AXDND1: variants seen among roughly 807,000 people sequenced by gnomAD.
AXDND1 encodes the protein axonemal dynein light chain domain containing 1, also known as axonemal dynein light chain domain-containing protein 1.
A neutral mutation model predicts 137.5 loss-of-function variants in AXDND1; 110 were observed. That is an observed-to-expected ratio of 0.80 (90% confidence interval 0.69 to 0.94). The LOEUF (loss-of-function observed/expected upper bound fraction) is 0.94, where lower values mean the gene tolerates loss of function less well. Ranked by LOEUF, AXDND1 falls within the 40% of genes least tolerant of loss-of-function variation. The pLI, the probability that AXDND1 is intolerant of heterozygous loss-of-function variation, is 0.00. For missense variants in AXDND1, 1,191 were observed against 1,169.8 expected (o/e 1.02, Z -0.26); for synonymous variants, 414 against 399.7 (o/e 1.04, Z -0.43).
chr1:179,440,617 G>A (rs1329168210), intron 15 of AXDND1, among the ~76,000 whole-genome samples: 6 of 152,324 alleles, frequency 3.9e-5, no homozygotes, highest in East Asian at 3.9e-4. Context: ...GTGCAGCAGC[G>A]TGTGAGACAC....
intron 17 of AXDND1, among the ~76,000 whole-genome samples, chr1:179,480,164 G>A (rs576823377): frequency 2.6e-5 from 4 of 152,266 alleles, no homozygotes; most frequent in South Asian, 2.1e-4. Context: ...TCCAGGTACC[G>A]ATTTACTGTG....
intron 25 of AXDND1, among the ~76,000 whole-genome samples, chr1:179,542,476 T>C (rs1672261218): frequency 6.6e-6 from 1 of 152,244 alleles, no homozygotes; most frequent in Non-Finnish European, 1.5e-5. Context: ...AAATGTCATT[T>C]ATTACAAGTC....
intron 17 of AXDND1, among the ~76,000 whole-genome samples, chr1:179,480,362 CCTTATAAAATCATCAGATCTCATTAGA>C (rs1416188872): frequency 6.6e-6 from 1 of 152,126 alleles, no homozygotes; most frequent in East Asian, 1.9e-4. Context: ...AAGGGGTTCC[CCTTATAAAATCATCAGATCTCATTAGA>C]CTTATTCACT....
At chr1:179,419,802 ATAC>A (rs1481475796) in intron 12 of AXDND1, among the ~76,000 whole-genome samples, 1 of 152,234 alleles carries the variant, frequency 6.6e-6, no homozygotes, top group Non-Finnish European at 1.5e-5. Flanking sequence ...TTGATTTTGT[ATAC>A]TTGAAATATA....
chr1:179,393,927 C>T lies in AXDND1; in HGVS notation c.888C>T (p.Asp296=), dbSNP rs754094622. The T allele has an allele frequency of 3.7e-6, 6 of 1,610,428 alleles. No homozygotes were observed. The South Asian group carries it at 5.5e-5, about 15-fold the overall frequency. Residue 296 remains aspartate, a synonymous_variant, in exon 10 of 26, where the codon GAC becomes GAT. Transcript: ENST00000367618. ...GAGAGAGGTATGTGCAAATGCTTGA[C>T]CAGATTGCTCGGCAGATGATTGATT... is the stretch of plus-strand genomic sequence containing the variant. ...KVRERYVQML[D]QIARQMIDFY...
chr1:179,422,772 T>A (rs958552631), intron 12 of AXDND1, among the ~76,000 whole-genome samples: 15 of 152,168 alleles, frequency 9.9e-5, no homozygotes, highest in African/African-American at 3.6e-4. Flanking sequence ...CTCCCCCTTT[T>A]TTTTTCTTTG....
chr1:179,419,699 G>A (rs1474827955), intron 12 of AXDND1, among the ~76,000 whole-genome samples: 1 of 150,564 alleles, frequency 6.6e-6, no homozygotes, highest in Non-Finnish European at 1.5e-5. Context: ...GGGAGAGGGA[G>A]CATTTATTGC....
intron 9 of AXDND1, among the ~76,000 whole-genome samples, chr1:179,388,065 T>G (rs1649515144): frequency 1.3e-5 from 2 of 152,184 alleles, no homozygotes; most frequent in Non-Finnish European, 2.9e-5. Flanking sequence ...CTGGATTCCC[T>G]CTCAGTGTGC....
At chr1:179,373,831 A>T (rs1668297378) in intron 4 of AXDND1, among the ~76,000 whole-genome samples, 1 of 152,166 alleles carries the variant, frequency 6.6e-6, no homozygotes, top group African/African-American at 2.4e-5. Flanking sequence ...TTAATTCAAG[A>T]TGGATTAAAG....
chr1:179,411,325 G>A (rs1464617352), intron 12 of AXDND1, 59 bp downstream of exon 12: 20 of 1,542,908 alleles, frequency 1.3e-5, no homozygotes, highest in Non-Finnish European at 1.7e-5. Context: ...TCATTCTACA[G>A]TTTTAAAATT....
At chr1:179,397,325 G>A (rs940549580) in intron 11 of AXDND1, among the ~76,000 whole-genome samples, 28 of 152,200 alleles carry the variant, frequency 1.8e-4, no homozygotes, top group Admixed American at 1.3e-3. Flanking sequence ...AATCTCTTAC[G>A]GCTTGTAGGG....
chr1:179,405,263 A>G lies in AXDND1; in HGVS notation c.1110-5883A>G, dbSNP rs1652769783. ...CAAAGGACATGAACTCATCCTTTTTATGGCTGCATAGTATTCCATGGTGTA... is the reference window on the plus strand; with the variant it reads ...CAAAGGACATGAACTCATCCTTTTTGTGGCTGCATAGTATTCCATGGTGTA... On this transcript the variant is annotated intron_variant, in intron 11 of 25. Transcript: ENST00000367618. Among the ~76,000 whole-genome samples, 7 of 152,102 alleles carry G rather than the reference A, an allele frequency of 4.6e-5. 1 individual carries two copies. The South Asian group carries it at 1.5e-3, about 32-fold the overall frequency.
intron 17 of AXDND1, among the ~76,000 whole-genome samples, chr1:179,482,586 T>C (rs1258503869): frequency 6.6e-6 from 1 of 152,138 alleles, no homozygotes; most frequent in Non-Finnish European, 1.5e-5. Context: ...GGAGCAGTCA[T>C]GGTTCAAATA....
At chr1:179,455,294 G>GTAAAAAAAAAAAAAT (rs1661181364) in intron 16 of AXDND1, 1 of 48,752 alleles carries the variant, frequency 2.1e-5, no homozygotes, top group East Asian at 6.0e-4. Context: ...AAAAAAAAAA[G>GTAAAAAAAAAAAAAT]TAAAAAAAAA....
intron 18 of AXDND1, among the ~76,000 whole-genome samples, chr1:179,488,851 C>T (rs1461132050): frequency 6.9e-6 from 1 of 145,636 alleles, no homozygotes; most frequent in Non-Finnish European, 1.5e-5. Context: ...TCTCCTGCCT[C>T]AGCCTCCCAA....
At chr1:179,478,768 C>A (rs985575169) in intron 17 of AXDND1, among the ~76,000 whole-genome samples, 3 of 152,238 alleles carry the variant, frequency 2.0e-5, no homozygotes, top group Admixed American at 6.5e-5. Flanking sequence ...TGTCAGGCTG[C>A]AAATTTTCTG....
chr1:179,424,575 G>A (rs1388555352), intron 12 of AXDND1, among the ~76,000 whole-genome samples: 1 of 151,698 alleles, frequency 6.6e-6, no homozygotes, highest in Non-Finnish European at 1.5e-5. Context: ...TTACAGGCAC[G>A]TGCCACCAGG....
At chr1:179,488,632 CTCCTTTCTTTCTTTCTTTCTT>C (rs1206142372) in intron 18 of AXDND1, among the ~76,000 whole-genome samples, 1,851 of 63,140 alleles carry the variant, frequency 0.029, 232 homozygotes, top group African/African-American at 0.09. Context: ...CTCTCTCTCT[CTCCTTTCTTTCTTTCTTTCTT>C]TCTTTCTTTC....
At chr1:179,475,352 A>G (rs1370094130) in intron 17 of AXDND1, among the ~76,000 whole-genome samples, 5 of 152,186 alleles carry the variant, frequency 3.3e-5, no homozygotes, top group African/African-American at 4.8e-5. Flanking sequence ...ACACCAGACC[A>G]TGAAAGCAGC....
Sources: allele counts gnomAD v4.1 joint callset (sites outside exome capture counted in the v4.1 genomes callset), GRCh38; gene constraint gnomAD v4.1.1; transcripts MANE v1.5; gene names NCBI Gene and HGNC (gene_info 2026-07-23, HGNC 2026-07-21).